KLHL22: variants seen among roughly 807,000 people sequenced by gnomAD.
KLHL22 encodes the protein kelch-like protein 22.
A neutral mutation model predicts 60.7 loss-of-function variants in KLHL22; 18 were observed. That is an observed-to-expected ratio of 0.30 (90% CI 0.20 to 0.44). The LOEUF (loss-of-function observed/expected upper bound fraction) is 0.44, where lower values mean the gene tolerates loss of function less well. Among genes scored for constraint, KLHL22 ranks in the 20% least tolerant of loss-of-function variants. KLHL22 has a pLI of 1.00. For synonymous variants in KLHL22, 355 were observed against 354.5 expected, an observed-to-expected ratio of 1.00 and a Z score of -0.01; for missense variants, 596 against 852.3, an observed-to-expected ratio of 0.70 and a Z score of 3.74.
intron 2 of KLHL22, among the ~76,000 whole-genome samples, chr22:20,486,742 C>T (rs1252643624): frequency 4.7e-5 from 7 of 150,314 alleles, no homozygotes; most frequent in Non-Finnish European, 8.8e-5. Context: ...AATGCAGTGG[C>T]GCAATCTCGG....
chr22:20,494,920 T>G (rs1183142618), intron 1 of KLHL22, among the ~76,000 whole-genome samples: 1 of 152,220 alleles, frequency 6.6e-6, no homozygotes, highest in South Asian at 2.1e-4. Flanking sequence ...GAACGAGCAG[T>G]ATCCCCTCAA....
intron 5 of KLHL22, chr22:20,450,479 C>G (rs1456430035): frequency 6.2e-7 from 1 of 1,613,334 alleles, no homozygotes; most frequent in African/African-American, 1.3e-5. Context: ...GTGAAACAAG[C>G]CTGCTGTGAG....
rs527933768 is a variant in KLHL22, at chr22:20,442,168, C to T, written c.1810G>A (p.Gly604Arg). Residue 604 changes from glycine to arginine, a missense_variant, in exon 7 of 7, where the codon GGG becomes AGG. Coordinates refer to ENST00000328879, the MANE Select transcript of KLHL22 (RefSeq NM_032775.4). ...PRSLLLEPPR[G>R]TPDRSQADPD... ...TCGGCCTGGCTGCGGTCAGGGGTCC[C>T]GCGGGGCGGCTCAAGGAGCAGGGAG... The T allele has an allele frequency of 3.8e-6, 6 of 1,559,426 alleles. No homozygotes were observed. The highest frequency in any genetic ancestry group is 3.7e-5 in the Admixed American group (2 of 54,214).
At chr22:20,490,570 C>T (rs2146291362) in intron 1 of KLHL22, among the ~76,000 whole-genome samples, 1 of 152,336 alleles carries the variant, frequency 6.6e-6, no homozygotes, top group South Asian at 2.1e-4. Context: ...AGCTGGGTGT[C>T]TTCTAATTCA....
intron 1 of KLHL22, among the ~76,000 whole-genome samples, chr22:20,490,626 C>T (rs1418583357): frequency 6.6e-6 from 1 of 152,168 alleles, no homozygotes; most frequent in Admixed American, 6.5e-5. Context: ...TCTTGGAAGA[C>T]AATTTTTCCA....
chr22:20,484,172 T>C, intron 2 of KLHL22: 3 of 567,452 alleles, frequency 5.3e-6, no homozygotes, highest in East Asian at 4.3e-5. Context: ...TTTGTATTTT[T>C]AGTAGAGACG....
intron 2 of KLHL22, among the ~76,000 whole-genome samples, chr22:20,486,572 A>G (rs529887612): frequency 1.6e-4 from 24 of 152,196 alleles, no homozygotes; most frequent in African/African-American, 5.1e-4. Context: ...CCTCTCACAC[A>G]TATTTACCAG....
chr22:20,443,483 G>A (rs2052799162), intron 6 of KLHL22, among the ~76,000 whole-genome samples: 1 of 152,208 alleles, frequency 6.6e-6, no homozygotes, highest in African/African-American at 2.4e-5. Context: ...GCTCACGCCT[G>A]TAATCCCAGC....
Position 20,458,273 on chromosome 22 carries a change from C to CTTTT in KLHL22, c.1113-277_1113-274dup, listed in dbSNP as rs35379911. On this transcript the variant is annotated intron_variant, in intron 4 of 6. Coordinates refer to ENST00000328879, the MANE Select transcript of KLHL22 (RefSeq NM_032775.4). Reference sequence around the variant, plus strand: ...TGTCCACCTGGGCTGTCCAATGGCTCTTTTTTTTTTTTTTTTTTTTTTTTT... The same window carrying CTTTT: ...TGTCCACCTGGGCTGTCCAATGGCTCTTTTTTTTTTTTTTTTTTTTTTTTTTTTT... 5.5e-3 allele frequency among the ~76,000 whole-genome samples: 424 copies of CTTTT among 76,534 alleles called. 1 individual carries two copies. Among genetic ancestry groups the CTTTT allele is most frequent in the African/African-American group, 0.013 (223 of 17,174 alleles). The allele number at this position is 76,534 out of a possible 152,430, so 50.2% of individuals were successfully genotyped here.
At chr22:20,457,185 T>C (rs933659724) in intron 5 of KLHL22, among the ~76,000 whole-genome samples, 15 of 151,956 alleles carry the variant, frequency 9.9e-5, no homozygotes, top group Non-Finnish European at 2.1e-4. Context: ...GAGAGGCACC[T>C]CCCTAAAACA....
intron 2 of KLHL22, among the ~76,000 whole-genome samples, chr22:20,476,505 C>A (rs1043517968): frequency 6.8e-6 from 1 of 147,944 alleles, no homozygotes; most frequent in Non-Finnish European, 1.5e-5. Context: ...TTCCGCCCCC[C>A]GGGGTTCACA....
At chr22:20,467,856 C>T (rs946764710) in intron 3 of KLHL22, among the ~76,000 whole-genome samples, 7 of 152,166 alleles carry the variant, frequency 4.6e-5, no homozygotes, top group Admixed American at 2.0e-4. Context: ...GACGGGGTTT[C>T]ATCGTGTTAG....
intron 4 of KLHL22, among the ~76,000 whole-genome samples, chr22:20,463,571 G>C (rs1185856937): frequency 6.6e-6 from 1 of 152,380 alleles, no homozygotes; most frequent in East Asian, 1.9e-4. Context: ...TCAGCAGGGT[G>C]GTCTGGCCTT....
chr22:20,441,970 G>A lies in KLHL22; in HGVS notation c.*103C>T, dbSNP rs1320408370. 36 of 1,246,404 alleles carry A rather than the reference G, an allele frequency of 2.9e-5. No individual in the cohort carries two copies. Among genetic ancestry groups the A allele is most frequent in the Non-Finnish European group, 3.9e-5 (36 of 927,220 alleles). The allele number at this position is 1,246,404 out of a possible 1,614,324, so 77.2% of individuals were successfully genotyped here. A position where few individuals can be genotyped will look rare whatever the true frequency, so the allele number is the denominator to read the frequency against. ...GGGCCCATAAGCTGTGGCCAACAGG[G>A]GCAGGGGCCCTGCCTGGAGTAAAGT... On this transcript the variant is annotated 3_prime_UTR_variant, in exon 7 of 7. Transcript: ENST00000328879.
intron 5 of KLHL22, chr22:20,451,378 C>T (rs536552022): frequency 1.2e-6 from 2 of 1,611,718 alleles, no homozygotes; most frequent in Non-Finnish European, 8.5e-7. Flanking sequence ...AGGTGCCGGA[C>T]TCGTAGTGGC....
rs1237635902 is a variant in KLHL22, at chr22:20,495,763, G to A, written c.-37C>T. On this transcript the variant is annotated 5_prime_UTR_variant, in exon 1 of 7. Coordinates refer to ENST00000328879, the MANE Select transcript of KLHL22 (RefSeq NM_032775.4). This position sits in a 1 kb window ranked among gnomAD's most constrained non-coding sequence, Gnocchi z 4.6. ...CGGCTCACGCCTCGCAGCTGACCTG[G>A]TGCCGCCGCCAGCCGAGGCCGCACT... is the stretch of plus-strand genomic sequence containing the variant. 1 of 151,254 alleles carries A rather than the reference G, an allele frequency of 6.6e-6. No individual in the cohort carries two copies. Among genetic ancestry groups the A allele is most frequent in the Non-Finnish European group, 1.5e-5 (1 of 67,586 alleles). The allele number at this position is 151,254 out of a possible 1,614,324, so 9.4% of individuals were successfully genotyped here. A position where few individuals can be genotyped will look rare whatever the true frequency, so the allele number is the denominator to read the frequency against.
At chr22:20,463,099 T>C (rs910601956) in intron 4 of KLHL22, among the ~76,000 whole-genome samples, 2 of 152,224 alleles carry the variant, frequency 1.3e-5, no homozygotes, top group African/African-American at 4.8e-5. Flanking sequence ...TTGAGTCCAC[T>C]GGAAGGTTAA....
chr22:20,483,134 C>A, intron 2 of KLHL22: 1 of 637,078 alleles, frequency 1.6e-6, no homozygotes, highest in Non-Finnish European at 2.9e-6. Flanking sequence ...CTCCACCTCC[C>A]TGAGGCTGTT....
At chr22:20,467,700 C>T (rs913972765) in intron 3 of KLHL22, among the ~76,000 whole-genome samples, 3 of 152,164 alleles carry the variant, frequency 2.0e-5, no homozygotes, top group Admixed American at 6.5e-5. Flanking sequence ...ACTCTGTTGC[C>T]CAGGCTGGAG....
Sources: allele counts gnomAD v4.1 joint callset (sites outside exome capture counted in the v4.1 genomes callset), GRCh38; gene constraint gnomAD v4.1.1; non-coding constraint Gnocchi (gnomAD v3.1); transcripts MANE v1.5; gene names NCBI Gene and HGNC (gene_info 2026-07-23, HGNC 2026-07-21).